EPG5: variants seen among roughly 807,000 people sequenced by gnomAD.
The protein encoded by EPG5 is ectopic P-granules 5 autophagy tethering factor.
A neutral mutation model predicts 302.7 loss-of-function variants in EPG5; 159 were observed. The ratio of observed to expected loss-of-function variants is 0.53; its 90% CI spans 0.46 to 0.60. The LOEUF is 0.60. Among genes scored for constraint, EPG5 ranks in the 20% least tolerant of loss-of-function variants. EPG5 has a pLI of 0.00. For synonymous variants in EPG5, 1,158 were observed against 1,136.8 expected, an observed-to-expected ratio of 1.02 and a Z score of -0.37; for missense variants, 2,896 against 3,092.4, an observed-to-expected ratio of 0.94 and a Z score of 1.51.
chr18:45,892,219 C>T (rs2049367835), intron 27 of EPG5, among the ~76,000 whole-genome samples: 1 of 152,172 alleles, frequency 6.6e-6, no homozygotes, highest in African/African-American at 2.4e-5. Context: ...CAAAAAACAT[C>T]CCCAAATTAT....
At chr18:45,867,447 A>C (rs2048770575) in intron 37 of EPG5, 116 bp downstream of exon 37, 1 of 789,332 alleles carries the variant, frequency 1.3e-6, no homozygotes, top group Non-Finnish European at 2.1e-6. Flanking sequence ...TCATATGCCA[A>C]GCATCTGTTC....
the EPG5 span, among the ~76,000 whole-genome samples, chr18:45,823,995 T>C: frequency 6.6e-6 from 1 of 152,010 alleles, no homozygotes; most frequent in African/African-American, 2.4e-5. Context: ...AAGTACATAA[T>C]GTAATTGCAG....
intron 27 of EPG5, among the ~76,000 whole-genome samples, chr18:45,898,819 A>T (rs887220117): frequency 6.6e-6 from 1 of 152,162 alleles, no homozygotes; most frequent in Non-Finnish European, 1.5e-5. Context: ...TAACTGTATC[A>T]TCACCAAAGT....
At chr18:45,879,303 G>C in intron 32 of EPG5, 89 bp from the exon 33 acceptor site, 3 of 877,934 alleles carry the variant, frequency 3.4e-6, no homozygotes, top group Non-Finnish European at 3.5e-6. Context: ...GTATATAGTA[G>C]GTCTTTGACT....
chr18:45,801,683 T>C, the EPG5 span, among the ~76,000 whole-genome samples: 18 of 152,200 alleles, frequency 1.2e-4, no homozygotes, highest in Non-Finnish European at 2.9e-5. Context: ...TTAATCCCCC[T>C]GTTCCTTCCC....
At position 45,930,844 on chromosome 18, in the gene EPG5, T is replaced by A; in HGVS notation, c.2258-14A>T. ...AATGTTCTGGGTCTGCAAGTTCATA[T>A]CAAGAAAATTAGAGTGGGGAAAGAA... On this transcript the variant is annotated splice_polypyrimidine_tract_variant and intron_variant, in intron 11 of 43. Coordinates refer to ENST00000282041, the MANE Select transcript of EPG5 (RefSeq NM_020964.3). 1 of 1,575,010 alleles carries A rather than the reference T, an allele frequency of 6.3e-7. No individual in the cohort carries two copies. The highest frequency in any genetic ancestry group is 8.6e-7 in the Non-Finnish European group (1 of 1,167,554).
intron 16 of EPG5, 26 bp downstream of exon 16, chr18:45,922,315 C>T: frequency 6.2e-7 from 1 of 1,610,802 alleles, no homozygotes; most frequent in Non-Finnish European, 8.5e-7. Context: ...GTTCAGTAAC[C>T]CTAGTGGTTC....
At position 45,951,157 on chromosome 18, in the gene EPG5, C is replaced by T; in HGVS notation, c.1334G>A (p.Arg445Lys). The change falls in exon 4 of 44, where the codon AGA (arginine) becomes AAA (lysine). Residue 445 changes from arginine (R) to lysine (K), a missense_variant. Physicochemically the swap from Arg to Lys is conservative, Grantham distance 26 (BLOSUM62 2). Around this residue, in one of 5 missense-constraint regions of EPG5, gnomAD observed 1,390 missense variants for 1,430.0 expected, o/e 0.97. Coordinates refer to ENST00000282041, the MANE Select transcript of EPG5 (RefSeq NM_020964.3). ...ATGAAACTGAGTATCTTCATTAACT[C>T]TCCTGGTGAACATGAATAAGACACT... ...CISVLFMFTR[R>K]VNEDTQFHDD... is the part of the protein sequence containing the mutation. 3.1e-6 allele frequency: 5 copies of T among 1,597,972 alleles called. No homozygotes were observed. The highest frequency in any genetic ancestry group is 2.3e-5 in the East Asian group (1 of 44,242).
intron 10 of EPG5, among the ~76,000 whole-genome samples, chr18:45,939,153 G>C (rs769174232): frequency 4.1e-4 from 62 of 152,220 alleles, no homozygotes; most frequent in Non-Finnish European, 6.5e-4. Flanking sequence ...AGCTAAGACA[G>C]GGAACCAAGA....
chr18:45,916,173 C>T lies in EPG5; in HGVS notation c.3418G>A (p.Val1140Met). Residue 1140 changes from valine (V) to methionine (M), a missense_variant, in exon 19 of 44, where the codon GTG becomes ATG. Val to Met is a conservative substitution (Grantham distance 21, BLOSUM62 1). This residue lies in a region of EPG5 where 1,390 missense variants were observed against 1,430.0 expected (regional missense o/e 0.97). Coordinates refer to ENST00000282041, the MANE Select transcript of EPG5 (RefSeq NM_020964.3). Reference protein sequence around the residue: ...HISVSTQPNEVGPVAVLEFWV... With the variant: ...HISVSTQPNEMGPVAVLEFWV... The stretch of plus-strand genomic sequence containing the variant: ...AACTCCAACACAGCAACGGGGCCCA[C>T]TTCATTGGGCTGAGTGCTTACAGAT... 1 of 1,613,916 alleles carries T rather than the reference C, an allele frequency of 6.2e-7. No homozygotes were observed. The highest frequency in any genetic ancestry group is 8.5e-7 in the Non-Finnish European group (1 of 1,179,894).
chr18:45,899,953 G>A (rs1315322329), intron 26 of EPG5, among the ~76,000 whole-genome samples: 1 of 152,168 alleles, frequency 6.6e-6, no homozygotes, highest in African/African-American at 2.4e-5. Flanking sequence ...AAAACGAAAT[G>A]TCAAAGACCA....
At chr18:45,828,973 G>C in the EPG5 span, 4 of 425,714 alleles carry the variant, frequency 9.4e-6, no homozygotes, top group Non-Finnish European at 1.3e-5. Context: ...TCTCCCAGTG[G>C]CTGTTGTGAG....
chr18:45,852,836 A>G (rs1310562754), intron 43 of EPG5, among the ~76,000 whole-genome samples, 187 bp from the exon 44 acceptor site: 3 of 152,242 alleles, frequency 2.0e-5, no homozygotes, highest in Non-Finnish European at 4.4e-5. Flanking sequence ...GAAGGAGGCC[A>G]GCAGCCCAAG....
At chr18:45,956,498 G>A (rs918994782) in intron 1 of EPG5, among the ~76,000 whole-genome samples, 3 of 150,930 alleles carry the variant, frequency 2.0e-5, no homozygotes, top group Non-Finnish European at 3.0e-5. Flanking sequence ...GCTCTGTTGC[G>A]CAGGCTGGAG....
chr18:45,872,283 A>G (rs538634710), intron 35 of EPG5, among the ~76,000 whole-genome samples: 3 of 152,324 alleles, frequency 2.0e-5, no homozygotes, highest in African/African-American at 7.2e-5. Flanking sequence ...TATATAAGGG[A>G]CATTTAGTCT....
In EPG5 at chr18:45,866,903, G is replaced by T; in HGVS notation, c.6516C>A (p.Tyr2172Ter). 6.2e-7 allele frequency: 1 copy of T among 1,613,970 alleles called. No homozygotes were observed. Among genetic ancestry groups the T allele is most frequent in the Non-Finnish European group, 8.5e-7 (1 of 1,179,840 alleles). ...QSVLSYFSSH[Y>*]PPSIILAKES... Reference sequence around the variant, plus strand: ...CTTTTGCCAGGATGATGGACGGCGGGTAATGGCTGCTGAAATAACTTAGCA... The same window carrying T: ...CTTTTGCCAGGATGATGGACGGCGGTTAATGGCTGCTGAAATAACTTAGCA... Residue 2172 changes from tyrosine (Y) to a stop codon, truncating the protein, a stop_gained, in exon 38 of 44, where the codon TAC becomes TAA. Coordinates refer to ENST00000282041, the MANE Select transcript of EPG5 (RefSeq NM_020964.3). LOFTEE classifies it high-confidence loss of function.
intron 29 of EPG5, among the ~76,000 whole-genome samples, chr18:45,887,108 C>T (rs1314503145): frequency 6.6e-6 from 1 of 152,192 alleles, no homozygotes; most frequent in Non-Finnish European, 1.5e-5. Flanking sequence ...CTAGTGTTTA[C>T]ATATTTCAAA....
At position 45,847,726 on chromosome 18, in the gene EPG5, CA is replaced by C. The variant is rs2048376911; in HGVS notation, c.*4740del. ...TTGTACAAGTATGAAAAATGTGGAA[CA>C]ATGAATAAGTAGTGAATATTGCACA... On this transcript the variant is annotated 3_prime_UTR_variant, in exon 44 of 44. Coordinates refer to ENST00000282041, the MANE Select transcript of EPG5 (RefSeq NM_020964.3). 6.6e-6 allele frequency: 1 copy of C among 152,358 alleles called. No individual in the cohort carries two copies. The highest frequency in any genetic ancestry group is 6.6e-5 in the Admixed American group (1 of 15,236). 9.4% of individuals were successfully genotyped at this position (152,358 alleles called of 1,614,324 possible).
chr18:45,949,455 C>A, intron 5 of EPG5, 29 bp downstream of exon 5: 1 of 1,403,154 alleles, frequency 7.1e-7, no homozygotes, highest in Non-Finnish European at 1.0e-6. Flanking sequence ...TCCCCCAACC[C>A]CTCAGAATGA....
Sources: gnomAD v4.1 joint callset for allele counts (sites outside exome capture counted in the v4.1 genomes callset) on GRCh38, gnomAD v4.1.1 for gene constraint, gnomAD v4.1.1 regional missense constraint, MANE v1.5 for transcripts, NCBI Gene and HGNC (gene_info 2026-07-23, HGNC 2026-07-21) for gene names.